The following BRCA1 variants were observed in gnomAD, a reference collection of about 807,000 sequenced individuals.
BRCA1 encodes BRCA1 DNA repair associated.
A neutral mutation model predicts 173.7 loss-of-function variants in BRCA1; 140 were observed. The ratio of observed to expected loss-of-function variants is 0.81; its 90% CI spans 0.70 to 0.93. The LOEUF (loss-of-function observed/expected upper bound fraction) is 0.93. Among genes scored for constraint, BRCA1 ranks in the 40% least tolerant of loss-of-function variants. BRCA1 has a pLI of 0.00. For missense variants in BRCA1, 1,983 were observed against 2,172.5 expected, an observed-to-expected ratio of 0.91 and a Z score of 1.73; for synonymous variants, 662 against 756.0, an observed-to-expected ratio of 0.88 and a Z score of 2.04.
chr17:43,126,917 C>A (rs1218104153), upstream of BRCA1, among the ~76,000 whole-genome samples: 1 of 152,110 alleles, frequency 6.6e-6, no homozygotes, highest in Admixed American at 6.5e-5. Context: ...GCGGGCTCAG[C>A]GGGCCCCGCA....
At chr17:43,064,630 G>A (rs2051973519) in intron 16 of BRCA1, among the ~76,000 whole-genome samples, 1 of 152,072 alleles carries the variant, frequency 6.6e-6, no homozygotes, top group African/African-American at 2.4e-5. Flanking sequence ...AACACAGCAG[G>A]CTATCTGCAA....
At chr17:43,064,825 GC>G (rs1265438493) in intron 16 of BRCA1, among the ~76,000 whole-genome samples, 2 of 135,224 alleles carry the variant, frequency 1.5e-5, no homozygotes, top group African/African-American at 2.8e-5. Context: ...GATTTGATTT[GC>G]ATTTTTTTTT....
At position 43,147,600 on chromosome 17, in the gene BRCA1, G is replaced by A. The variant is rs149833962; in HGVS notation, c.-20+22526C>T. ...TGGGATTACACGTGTAAGCCATCCC[G>A]CCTGGCCTTTCTAGTTAGAATTCTG... On this transcript the variant is annotated intron_variant, in intron 1 of 7. Transcript: ENST00000634433. 4.0e-3 allele frequency among the ~76,000 whole-genome samples: 603 copies of A among 152,266 alleles called. 5 individuals carry two copies. The highest frequency in any genetic ancestry group is 0.014 in the African/African-American group (580 of 41,550).
Position 43,074,505 on chromosome 17 carries a change from A to T in BRCA1, c.4501T>A (p.Cys1501Ser), listed in dbSNP as rs1452494041. 3 of 1,613,828 alleles carry T rather than the reference A, an allele frequency of 1.9e-6. No homozygotes were observed. The highest frequency in any genetic ancestry group is 1.7e-4 in the Middle Eastern group (1 of 6,058). ...TACCACCTATCATCTAATGATGGGCATTTAGAAGGGGATGACCTAGAAAGA... is the reference window on the plus strand; with the variant it reads ...TACCACCTATCATCTAATGATGGGCTTTTAGAAGGGGATGACCTAGAAAGA... Reference protein sequence around the residue: ...PGVERSSPSKCPSLDDRWYMH... With the variant: ...PGVERSSPSKSPSLDDRWYMH... The change falls in exon 14 of 23, where the codon TGC becomes AGC. Residue 1501 changes from cysteine to serine, a missense_variant. Cys to Ser is a moderately radical substitution (Grantham distance 112). Transcript: ENST00000357654.
At position 43,104,269 on chromosome 17, in the gene BRCA1, A is replaced by G. The variant is rs878854942; in HGVS notation, c.302-8T>C. On this transcript the variant is annotated splice_polypyrimidine_tract_variant and splice_region_variant and intron_variant, in intron 5 of 22. Transcript: ENST00000357654. The stretch of plus-strand genomic sequence containing the variant: ...AATTATAGCTGTTTGCATCTGTAAA[A>G]TACAAGGGAAAACATTATGTTTGCA... 6.2e-7 allele frequency: 1 copy of G among 1,608,260 alleles called. No homozygotes were observed.
intron 3 of BRCA1, among the ~76,000 whole-genome samples, 152 bp downstream of exon 3, chr17:43,115,572 CTA>C (rs2055228872): frequency 6.6e-6 from 1 of 151,308 alleles, no homozygotes; most frequent in Non-Finnish European, 1.5e-5. Context: ...CTTTTGATAA[CTA>C]TATACTCTCT....
chr17:43,092,798 T>C lies in BRCA1; in HGVS notation c.2733A>G (p.Gly911=), dbSNP rs1800740. Residue 911 remains glycine (G), a synonymous_variant, in exon 10 of 23, where the codon GGA becomes GGG. Coordinates refer to ENST00000357654, the MANE Select transcript of BRCA1 (RefSeq NM_007294.4). ...CAGGCTTGATATTAGACTCATTCTT[T>C]CCTTGATTTTCTTCCTTTTGTTCAC... is the stretch of plus-strand genomic sequence containing the variant. ...FECEQKEENQ[G]KNESNIKPVQ... The C allele has an allele frequency of 6.0e-4, 972 of 1,613,990 alleles. 3 individuals carry two copies. The highest frequency in any genetic ancestry group is 2.3e-3 in the Middle Eastern group (14 of 6,060).
intron 1 of BRCA1, among the ~76,000 whole-genome samples, chr17:43,142,992 GTATATATGTATATATGTGTGCA>G (rs1364025672): frequency 1.4e-5 from 2 of 146,060 alleles, no homozygotes; most frequent in Non-Finnish European, 3.0e-5. Context: ...ATATATATAT[GTATATATGTATATATGTGTGCA>G]TATATATGTA....
intron 14 of BRCA1, among the ~76,000 whole-genome samples, chr17:43,073,826 C>T (rs2052562132): frequency 6.6e-6 from 1 of 151,898 alleles, no homozygotes; most frequent in African/African-American, 2.4e-5. Flanking sequence ...GTGATCTTGG[C>T]TCACCGCAAC....
intron 12 of BRCA1, chr17:43,079,370 A>T (rs2154106663): frequency 1.3e-6 from 2 of 1,597,344 alleles, no homozygotes; most frequent in Non-Finnish European, 1.7e-6. Flanking sequence ...GAAAACATGG[A>T]GTTGTTCCTT....
intron 11 of BRCA1, among the ~76,000 whole-genome samples, chr17:43,090,031 T>A (rs2053385167): frequency 1.5e-5 from 2 of 137,222 alleles, no homozygotes; most frequent in South Asian, 2.4e-4. Context: ...AAGAAAAAAA[T>A]AACTAGATTT....
At chr17:43,117,496 C>A (rs1452320704) in intron 2 of BRCA1, among the ~76,000 whole-genome samples, 1 of 151,950 alleles carries the variant, frequency 6.6e-6, no homozygotes, top group African/African-American at 2.4e-5. Context: ...AATCCCAGCA[C>A]TTGGGAGGCC....
chr17:43,071,267 C>T (rs2153904582), intron 14 of BRCA1, 29 bp from the exon 15 acceptor site: 1 of 1,604,140 alleles, frequency 6.2e-7, no homozygotes, highest in Non-Finnish European at 8.5e-7. Context: ...GTTTAATTTA[C>T]ACAACGATGA....
At chr17:43,058,079 G>A (rs1008482611) in intron 18 of BRCA1, among the ~76,000 whole-genome samples, 7 of 147,502 alleles carry the variant, frequency 4.7e-5, no homozygotes, top group Admixed American at 1.4e-4. Flanking sequence ...GCAGGCAGTA[G>A]CTGGGCACCA....
At chr17:43,126,549 C>G (rs1272650371), upstream of BRCA1, among the ~76,000 whole-genome samples, 4 of 152,204 alleles carry the variant, frequency 2.6e-5, no homozygotes, top group African/African-American at 7.2e-5. Context: ...AGAGGGGCGA[C>G]TTTTTCCGTG....
chr17:43,077,252 T>C (rs1258746400), intron 12 of BRCA1, among the ~76,000 whole-genome samples: 1 of 151,706 alleles, frequency 6.6e-6, no homozygotes, highest in Non-Finnish European at 1.5e-5. Flanking sequence ...AAATCTTAAA[T>C]AATACATGGA....
chr17:43,108,985 C>T (rs2054918303), intron 3 of BRCA1, among the ~76,000 whole-genome samples: 2 of 152,086 alleles, frequency 1.3e-5, no homozygotes, highest in Admixed American at 6.6e-5. Context: ...AAGAGCGAAA[C>T]TCCATCTCAA....
chr17:43,140,677 A>C (rs1210243122), intron 1 of BRCA1, among the ~76,000 whole-genome samples: 2 of 152,120 alleles, frequency 1.3e-5, no homozygotes, highest in Admixed American at 6.5e-5. Flanking sequence ...CTCCACTGCC[A>C]GCATGCTGTC....
At chr17:43,078,852 G>A (rs1208539061) in intron 12 of BRCA1, among the ~76,000 whole-genome samples, 1 of 152,140 alleles carries the variant, frequency 6.6e-6, no homozygotes, top group Non-Finnish European at 1.5e-5. Flanking sequence ...AATTGATAAA[G>A]GGTAATGTGC....
Sources: allele counts gnomAD v4.1 joint callset (sites outside exome capture counted in the v4.1 genomes callset), GRCh38; gene constraint gnomAD v4.1.1; transcripts MANE v1.5; gene names NCBI Gene and HGNC (gene_info 2026-07-23, HGNC 2026-07-21).